CLIP1: variants seen among roughly 807,000 people sequenced by gnomAD.
The protein encoded by CLIP1 is CAP-Gly domain-containing linker protein 1.
In CLIP1, 66 loss-of-function variants were observed where a neutral mutation model predicts 161.6. That is an observed-to-expected ratio of 0.41 (90% CI 0.33 to 0.50). CLIP1 has a LOEUF of 0.50. CLIP1 is among the 20% of genes least tolerant of loss of function. CLIP1 has a pLI of 0.27. For missense variants in CLIP1, 1,376 were observed against 1,702.0 expected, an observed-to-expected ratio of 0.81 and a Z score of 3.37; for synonymous variants, 598 against 626.2, an observed-to-expected ratio of 0.96 and a Z score of 0.67.
rs146208221 is a variant in CLIP1 at position 122,356,555 on chromosome 12, C to G, written c.1006-1243G>C. On this transcript the variant is annotated intron_variant, in intron 5 of 25. Transcript: ENST00000620786. ...GTGTAGAGCCCAACAGCAGCGCACACAGTAACATGAAGTCATTCTGGTTAT... is the reference window on the plus strand; with the variant it reads ...GTGTAGAGCCCAACAGCAGCGCACAGAGTAACATGAAGTCATTCTGGTTAT... 1.1e-3 allele frequency among the ~76,000 whole-genome samples: 166 copies of G among 152,314 alleles called. 1 individual carries two copies. The highest frequency in any genetic ancestry group is 3.8e-3 in the African/African-American group (159 of 41,574).
At chr12:122,327,385 C>T (rs1232278142) in intron 17 of CLIP1, among the ~76,000 whole-genome samples, 6 of 152,128 alleles carry the variant, frequency 3.9e-5, no homozygotes, top group Middle Eastern at 3.2e-3. Context: ...AAGGTGTTTC[C>T]TCCCTGCCCT....
intron 20 of CLIP1, among the ~76,000 whole-genome samples, chr12:122,297,582 G>A (rs114403359): frequency 0.022 from 3,387 of 152,132 alleles, 106 homozygotes; most frequent in African/African-American, 0.073. Flanking sequence ...GTCTCTTCTC[G>A]AACCAAGCAA....
chr12:122,415,828 C>A (rs1376224775), intron 1 of CLIP1, among the ~76,000 whole-genome samples: 2 of 151,466 alleles, frequency 1.3e-5, no homozygotes, highest in African/African-American at 2.4e-5. Flanking sequence ...CAAAAAAAAA[C>A]CCATAGATTT....
intron 1 of CLIP1, chr12:122,395,918 T>C (rs1444159321): frequency 6.6e-6 from 1 of 152,182 alleles, no homozygotes; most frequent in East Asian, 1.9e-4. Flanking sequence ...GAGACAACCC[T>C]GGCCAACATG....
intron 20 of CLIP1, among the ~76,000 whole-genome samples, chr12:122,296,977 T>G (rs1018269378): frequency 6.6e-6 from 1 of 151,916 alleles, no homozygotes; most frequent in Admixed American, 6.6e-5. Context: ...TACACAGAGA[T>G]TCATTGTACT....
intron 11 of CLIP1, 48 bp downstream of exon 11, chr12:122,340,705 C>A: frequency 6.9e-7 from 1 of 1,441,474 alleles, no homozygotes. Context: ...TAATGCAAAA[C>A]AAGAATAACA....
chr12:122,382,050 C>A (rs915038548), intron 1 of CLIP1, among the ~76,000 whole-genome samples: 1 of 152,108 alleles, frequency 6.6e-6, no homozygotes, highest in Non-Finnish European at 1.5e-5. Context: ...CCTGGTGAAA[C>A]CTCGTCTCTC....
Position 122,333,972 on chromosome 12 carries a change from G to A in CLIP1, c.2710+55C>T, listed in dbSNP as rs150046111. 4.9e-5 allele frequency: 53 copies of A among 1,077,602 alleles called. No homozygotes were observed. In the African/African-American group the frequency reaches 5.6e-4, roughly 11 times the overall value. 66.8% of individuals were successfully genotyped at this position (1,077,602 alleles called of 1,614,324 possible). A position where few individuals can be genotyped will look rare whatever the true frequency, so the allele number is the denominator to read the frequency against. On this transcript the variant is annotated intron_variant, in intron 14 of 25. Coordinates refer to ENST00000620786, the MANE Select transcript of CLIP1 (RefSeq NM_001247997.2). ...TTATGTAACATACTACAACTGTCTC[G>A]AATACGGGAAAGCCTACTGTATTTA... is the stretch of plus-strand genomic sequence containing the variant.
At chr12:122,397,612 C>A (rs145852164) in intron 1 of CLIP1, among the ~76,000 whole-genome samples, 1 of 147,698 alleles carries the variant, frequency 6.8e-6, no homozygotes, top group African/African-American at 2.5e-5. Flanking sequence ...TGAATCACCT[C>A]TCCCCATTTT....
At chr12:122,389,758 C>CAAAAAAA (rs57168188) in intron 1 of CLIP1, among the ~76,000 whole-genome samples, 1,165 of 69,124 alleles carry the variant, frequency 0.017, 238 homozygotes, top group Middle Eastern at 0.029. Flanking sequence ...GATCCTGTCT[C>CAAAAAAA]AAAAAAAAAA....
At chr12:122,307,001 T>C (rs1254301083) in intron 20 of CLIP1, among the ~76,000 whole-genome samples, 1 of 70,052 alleles carries the variant, frequency 1.4e-5, no homozygotes, top group East Asian at 1.4e-3. Flanking sequence ...AAGTTCACTT[T>C]TTTTTTTTTT....
At chr12:122,307,158 G>A (rs995283311) in intron 20 of CLIP1, among the ~76,000 whole-genome samples, 3 of 151,650 alleles carry the variant, frequency 2.0e-5, no homozygotes, top group African/African-American at 7.3e-5. Flanking sequence ...ACAGGCGCCC[G>A]CCACCATGCC....
chr12:122,352,497 A>G (rs1953087811), intron 8 of CLIP1, among the ~76,000 whole-genome samples: 1 of 152,118 alleles, frequency 6.6e-6, no homozygotes, highest in African/African-American at 2.4e-5. Context: ...ATGGTTTTGC[A>G]TTTTGAAGCA....
At position 122,311,740 on chromosome 12, in the gene CLIP1, A is replaced by G. The variant is rs1359289284; in HGVS notation, c.3474-1858T>C. 1.3e-5 allele frequency among the ~76,000 whole-genome samples: 2 copies of G among 152,202 alleles called. No individual in the cohort carries two copies. The highest frequency in any genetic ancestry group is 2.9e-5 in the Non-Finnish European group (2 of 68,046). On this transcript the variant is annotated intron_variant, in intron 19 of 25. Transcript: ENST00000620786. This position sits in a 1 kb window ranked among gnomAD's most constrained non-coding sequence, Gnocchi z 4.3. The stretch of plus-strand genomic sequence containing the variant: ...GCCCGGCCAAAATTATTGTTTTAAA[A>G]TTTACAAAATGCTTCCATGTCCATT...
chr12:122,404,878 T>C (rs888065917), intron 1 of CLIP1, among the ~76,000 whole-genome samples: 3 of 138,016 alleles, frequency 2.2e-5, no homozygotes, highest in African/African-American at 8.2e-5. Context: ...CCAGCCCGGG[T>C]GACAGAGCGA....
At chr12:122,363,541 T>TC in intron 4 of CLIP1, among the ~76,000 whole-genome samples, 1 of 149,740 alleles carries the variant, frequency 6.7e-6, no homozygotes, top group African/African-American at 2.5e-5. Flanking sequence ...ATGGAAGAGG[T>TC]CCGCTTGGCG....
intron 3 of CLIP1, among the ~76,000 whole-genome samples, chr12:122,369,405 A>C (rs1954323279): frequency 6.6e-6 from 1 of 151,802 alleles, no homozygotes; most frequent in African/African-American, 2.4e-5. Context: ...AGAAGGGTAA[A>C]ATCTTCACTG....
intron 7 of CLIP1, 63 bp from the exon 8 acceptor site, chr12:122,352,849 CAA>C: frequency 7.1e-7 from 1 of 1,406,254 alleles, no homozygotes; most frequent in Non-Finnish European, 1.0e-6. Context: ...TTTAAAAAAA[CAA>C]AACAAACAAA....
At chr12:122,411,073 T>C (rs1351066159) in intron 1 of CLIP1, among the ~76,000 whole-genome samples, 1 of 152,152 alleles carries the variant, frequency 6.6e-6, no homozygotes, top group African/African-American at 2.4e-5. Context: ...TTCTATAACA[T>C]TCTTAGGTAT....
Sources: gnomAD v4.1 joint callset for allele counts (sites outside exome capture counted in the v4.1 genomes callset) on GRCh38, gnomAD v4.1.1 for gene constraint, Gnocchi (gnomAD v3.1) non-coding constraint, MANE v1.5 for transcripts, NCBI Gene and HGNC (gene_info 2026-07-23, HGNC 2026-07-21) for gene names.